Variants in PPL observed in about 807,000 individuals in gnomAD.
PPL encodes 190 kDa paraneoplastic pemphigus antigen.
Under a neutral mutation model 194.4 loss-of-function variants are expected in PPL, and 198 were observed. The ratio of observed to expected loss-of-function variants is 1.02; its 90% confidence interval spans 0.91 to 1.15. PPL has a LOEUF of 1.15. Ranked by LOEUF, PPL falls within the 50% of genes most tolerant of loss-of-function variation. The pLI, the probability that PPL is intolerant of heterozygous loss-of-function variation, is 0.00. For synonymous variants in PPL, 1,220 were observed against 972.4 expected (o/e 1.25, Z -4.74); for missense variants, 2,885 against 2,294.8 (o/e 1.26, Z -5.25).
At position 4,884,503 on chromosome 16, in the gene PPL, C is replaced by T. The variant is rs765727232; in HGVS notation, c.4152G>A (p.Lys1384=). 3.1e-6 allele frequency: 5 copies of T among 1,608,998 alleles called. No individual in the cohort carries two copies. In the South Asian group the frequency reaches 4.4e-5, roughly 14 times the overall value. The change falls in exon 22 of 22, where the codon AAG becomes AAA. Residue 1384 remains lysine, a synonymous_variant. Transcript: ENST00000345988. This position sits in a 1 kb window ranked among gnomAD's most constrained non-coding sequence, Gnocchi z 5.7. ...SIDVELRQID[K]LRAELRRLQR... is the part of the protein sequence containing the mutation. ...GCAGCCGCCGCAGCTCTGCCCGCAG[C>T]TTGTCAATCTGCCGCAGCTCCACAT...
chr16:4,927,758 A>C (rs367601412), intron 1 of PPL, among the ~76,000 whole-genome samples: 68 of 152,312 alleles, frequency 4.5e-4, no homozygotes, highest in African/African-American at 1.6e-3. Context: ...TTAAGGCCTA[A>C]TCTGTTTCTG....
rs2088539655 is a variant in PPL at position 4,900,452 on chromosome 16, T to TTTTTTTTTTTTTTTTTTTTTTG, written c.606+377_606+378insCAAAAAAAAAAAAAAAAAAAAA. Reference sequence around the variant, plus strand: ...TGCACGCCTTTTTTTTTTTTTTTTTTTTTTAAAGGCAGGGTTTTGCTCTGT... The same window carrying TTTTTTTTTTTTTTTTTTTTTTG: ...TGCACGCCTTTTTTTTTTTTTTTTTTTTTTTTTTTTTTTTTTTTTTTGTTTTAAAGGCAGGGTTTTGCTCTGT... On this transcript the variant is annotated intron_variant, in intron 6 of 21. Transcript: ENST00000345988. 1.5e-5 allele frequency among the ~76,000 whole-genome samples: 2 copies of TTTTTTTTTTTTTTTTTTTTTTG among 132,036 alleles called. 1 individual carries two copies. The highest frequency in any genetic ancestry group is 3.2e-5 in the Non-Finnish European group (2 of 62,450). The allele number at this position is 132,036 out of a possible 152,430, so 86.6% of individuals were successfully genotyped here.
At chr16:4,888,001 G>A (rs1386353950) in intron 20 of PPL, 101 bp downstream of exon 20, 10 of 810,316 alleles carry the variant, frequency 1.2e-5, no homozygotes, top group Non-Finnish European at 2.1e-5. Flanking sequence ...TCCCTGTTGT[G>A]TGTGCATCTC....
intron 18 of PPL, among the ~76,000 whole-genome samples, 194 bp from the exon 19 acceptor site, chr16:4,889,255 T>TC: frequency 8.1e-6 from 1 of 123,308 alleles, no homozygotes; most frequent in Non-Finnish European, 1.7e-5. Flanking sequence ...TTTTTTTTTT[T>TC]TTTTTTTTTT....
rs531173466 is a variant in PPL, at chr16:4,889,305, A to T, written c.2314-244T>A. On this transcript the variant is annotated intron_variant, in intron 18 of 21. Coordinates refer to ENST00000345988, the MANE Select transcript of PPL (RefSeq NM_002705.5). ...AGTCTCACTGCATCGCCCAGGCTGG[A>T]GTACAGTGGCGCGATCTCAGCTCAC... Among the ~76,000 whole-genome samples the T allele has an allele frequency of 3.2e-4, 37 of 116,068 alleles. No homozygotes were observed. In the South Asian group the frequency reaches 9.3e-3, roughly 29 times the overall value. 76.1% of individuals were successfully genotyped at this position (116,068 alleles called of 152,430 possible).
intron 2 of PPL, among the ~76,000 whole-genome samples, chr16:4,906,455 G>C (rs1260050614): frequency 6.6e-6 from 1 of 152,060 alleles, no homozygotes; most frequent in Non-Finnish European, 1.5e-5. Flanking sequence ...TCGATCTCCT[G>C]ACCTCGTGAT....
intron 2 of PPL, among the ~76,000 whole-genome samples, chr16:4,904,327 T>A (rs550420785): frequency 6.6e-6 from 1 of 151,774 alleles, no homozygotes; most frequent in Admixed American, 6.6e-5. Context: ...ATGCAAGGAG[T>A]TGGGACACAG....
Position 4,883,220 on chromosome 16 carries a change from G to C in PPL, c.*164C>G. 2.3e-6 allele frequency: 2 copies of C among 882,630 alleles called. No individual in the cohort carries two copies. Among genetic ancestry groups the C allele is most frequent in the East Asian group, 5.0e-5 (2 of 40,036 alleles). The allele number at this position is 882,630 out of a possible 1,614,324, so 54.7% of individuals were successfully genotyped here. ...GACGAGAGTTGCCTGTCTTCAGCCAGTGCCTGTCTCATATGTGGGCGGGAC... is the reference window on the plus strand; with the variant it reads ...GACGAGAGTTGCCTGTCTTCAGCCACTGCCTGTCTCATATGTGGGCGGGAC... On this transcript the variant is annotated 3_prime_UTR_variant, in exon 22 of 22. Coordinates refer to ENST00000345988, the MANE Select transcript of PPL (RefSeq NM_002705.5). The surrounding 1 kb of genome is among the most constrained non-coding windows in gnomAD (Gnocchi z 4.8).
In PPL at chr16:4,886,006, A is replaced by G. The variant is rs149014509; in HGVS notation, c.2649T>C (p.Asn883=). The G allele has an allele frequency of 1.5e-4, 235 of 1,613,820 alleles. No homozygotes were observed. Among genetic ancestry groups the G allele is most frequent in the Admixed American group, 4.0e-4 (24 of 60,006 alleles). The change falls in exon 22 of 22, where the codon AAT becomes AAC. Residue 883 remains asparagine (N), a synonymous_variant. Transcript: ENST00000345988. ...VEVTHETLQR[N]RPDSGVEEAW... is the part of the protein sequence containing the mutation. ...CCTCCTCCACTCCAGAGTCCGGCCT[A>G]TTCCTTTGCAGGGTCTCATGGGTCA...
At chr16:4,895,464 A>G in intron 10 of PPL, 57 bp from the exon 11 acceptor site, 2 of 1,605,860 alleles carry the variant, frequency 1.2e-6, no homozygotes, top group Admixed American at 1.7e-5. Flanking sequence ...CCCTGGTGGG[A>G]GGACGCAGAG....
intron 1 of PPL, among the ~76,000 whole-genome samples, chr16:4,913,692 C>T (rs1486460128): frequency 3.3e-5 from 5 of 152,182 alleles, no homozygotes; most frequent in African/African-American, 1.2e-4. Context: ...TGTGAGCCAC[C>T]ATGCCCAGCC....
chr16:4,907,567 A>G (rs1285237286), intron 2 of PPL, among the ~76,000 whole-genome samples: 3 of 152,128 alleles, frequency 2.0e-5, no homozygotes, highest in East Asian at 1.9e-4. Context: ...GGAGGTGGGG[A>G]GTAACTGTTA....
At chr16:4,907,487 T>C (rs2088715783) in intron 2 of PPL, among the ~76,000 whole-genome samples, 1 of 152,112 alleles carries the variant, frequency 6.6e-6, no homozygotes, top group African/African-American at 2.4e-5. Context: ...TATGATTCTG[T>C]TTATGTGAAA....
intron 1 of PPL, among the ~76,000 whole-genome samples, chr16:4,932,718 C>T (rs185166623): frequency 1.2e-4 from 19 of 152,184 alleles, no homozygotes; most frequent in African/African-American, 3.9e-4. Context: ...GCGCCCAGCC[C>T]GTCATGACTC....
intron 1 of PPL, among the ~76,000 whole-genome samples, chr16:4,934,936 T>C (rs2089277046): frequency 2.0e-5 from 3 of 152,162 alleles, no homozygotes; most frequent in Admixed American, 6.5e-5. Flanking sequence ...TGACATCTGC[T>C]CAGGGCTGTG....
rs547284533 is a variant in PPL at position 4,925,509 on chromosome 16, C to T, written c.62+11475G>A. 2.4e-4 allele frequency among the ~76,000 whole-genome samples: 36 copies of T among 152,310 alleles called. 1 individual carries two copies. The South Asian group carries it at 6.4e-3, about 27-fold the overall frequency. On this transcript the variant is annotated intron_variant, in intron 1 of 21. Coordinates refer to ENST00000345988, the MANE Select transcript of PPL (RefSeq NM_002705.5). ...AGTGTTACTGGGGCTCTTAATCCTACCTATTAGGCTATTAAATTTTTGGAC... is the reference window on the plus strand; with the variant it reads ...AGTGTTACTGGGGCTCTTAATCCTATCTATTAGGCTATTAAATTTTTGGAC...
chr16:4,914,801 G>A (rs1417714636), intron 1 of PPL, among the ~76,000 whole-genome samples: 2 of 152,134 alleles, frequency 1.3e-5, no homozygotes, highest in Non-Finnish European at 2.9e-5. Context: ...TCGGTAAGAA[G>A]GGATAAGGTG....
chr16:4,905,784 G>T (rs920519945), intron 2 of PPL, among the ~76,000 whole-genome samples: 2 of 152,140 alleles, frequency 1.3e-5, no homozygotes, highest in Non-Finnish European at 2.9e-5. Flanking sequence ...ACTCCCCAGG[G>T]GGTTGGAGAT....
chr16:4,915,776 G>A (rs2088904755), intron 1 of PPL, among the ~76,000 whole-genome samples: 1 of 152,190 alleles, frequency 6.6e-6, no homozygotes, highest in Non-Finnish European at 1.5e-5. Flanking sequence ...AACCCTGAGA[G>A]CTGGGTGTTA....
Sources: gnomAD v4.1 joint callset for allele counts (sites outside exome capture counted in the v4.1 genomes callset) on GRCh38, gnomAD v4.1.1 for gene constraint, Gnocchi (gnomAD v3.1) non-coding constraint, MANE v1.5 for transcripts, NCBI Gene and HGNC (gene_info 2026-07-23, HGNC 2026-07-21) for gene names.